COLEC12: variants seen among roughly 807,000 people sequenced by gnomAD.
COLEC12 encodes collectin-12.
In COLEC12, 33 loss-of-function variants were observed where a neutral mutation model predicts 71.1. The ratio of observed to expected loss-of-function variants is 0.46; its 90% CI spans 0.35 to 0.62. The LOEUF is 0.62. Among genes scored for constraint, COLEC12 ranks in the 20% least tolerant of loss-of-function variants. COLEC12 has a pLI of 0.00. For synonymous variants in COLEC12, 350 were observed against 353.0 expected (o/e 0.99, Z 0.10); for missense variants, 765 against 916.1 (o/e 0.84, Z 2.13).
intron 3 of COLEC12, among the ~76,000 whole-genome samples, chr18:356,792 C>A (rs1391506828): frequency 1.3e-5 from 2 of 152,148 alleles, no homozygotes; most frequent in African/African-American, 4.8e-5. Flanking sequence ...AGGATTCAGG[C>A]AAAAATCCTG....
At chr18:479,437 G>A (rs1047080934) in intron 2 of COLEC12, among the ~76,000 whole-genome samples, 1 of 152,188 alleles carries the variant, frequency 6.6e-6, no homozygotes. Flanking sequence ...AGCAACGCGG[G>A]AGGCAGAGCA....
intron 9 of COLEC12, among the ~76,000 whole-genome samples, chr18:320,277 T>A (rs1198268385): frequency 2.0e-5 from 3 of 152,228 alleles, no homozygotes; most frequent in Non-Finnish European, 4.4e-5. Flanking sequence ...GAAAAGCCTA[T>A]TCTGGGAAAG....
intron 2 of COLEC12, among the ~76,000 whole-genome samples, chr18:369,385 C>CTT (rs55923005): frequency 0.18 from 24,165 of 135,924 alleles, 2,350 homozygotes; most frequent in South Asian, 0.25. Context: ...TGATACAGAT[C>CTT]TTTTTTTTTT....
intron 9 of COLEC12, among the ~76,000 whole-genome samples, chr18:320,726 C>A (rs1331373789): frequency 6.6e-6 from 1 of 152,110 alleles, no homozygotes; most frequent in East Asian, 1.9e-4. Context: ...CAAAAAGAAA[C>A]CCCATACCCA....
intron 2 of COLEC12, among the ~76,000 whole-genome samples, chr18:407,875 T>G (rs1915820515): frequency 6.6e-6 from 1 of 152,336 alleles, no homozygotes; most frequent in East Asian, 1.9e-4. Flanking sequence ...AATAGCTGCC[T>G]GGAGCCCGCC....
At chr18:494,897 A>G (rs1396569573) in intron 1 of COLEC12, among the ~76,000 whole-genome samples, 1 of 152,210 alleles carries the variant, frequency 6.6e-6, no homozygotes, top group Non-Finnish European at 1.5e-5. Context: ...AGGAAGCATA[A>G]AGGAGTCATG....
chr18:329,043 G>C (rs1338973547), intron 8 of COLEC12, among the ~76,000 whole-genome samples: 1 of 152,200 alleles, frequency 6.6e-6, no homozygotes, highest in Non-Finnish European at 1.5e-5. Flanking sequence ...TGCAGAAGCT[G>C]AGGATTTGGG....
chr18:336,415 G>T (rs148374208), intron 5 of COLEC12, among the ~76,000 whole-genome samples: 2 of 152,152 alleles, frequency 1.3e-5, no homozygotes, highest in Non-Finnish European at 2.9e-5. Context: ...GAAGAAAAGC[G>T]AATACTGCTC....
chr18:367,667 T>C (rs1172196335), intron 2 of COLEC12, among the ~76,000 whole-genome samples: 11 of 152,160 alleles, frequency 7.2e-5, no homozygotes, highest in African/African-American at 2.4e-4. Flanking sequence ...TGAGGAAAAG[T>C]TGGCAAAACA....
At position 318,480 on chromosome 18, in the gene COLEC12, G is replaced by A. The variant is rs1392684214; in HGVS notation, c.*1565C>T. 1.4e-5 allele frequency: 2 copies of A among 143,876 alleles called. No homozygotes were observed. The highest frequency in any genetic ancestry group is 3.0e-5 in the Non-Finnish European group (2 of 66,994). The allele number at this position is 143,876 out of a possible 1,614,324, so 8.9% of individuals were successfully genotyped here. A position where few individuals can be genotyped will look rare whatever the true frequency, so the allele number is the denominator to read the frequency against. On this transcript the variant is annotated 3_prime_UTR_variant, in exon 10 of 10. Coordinates refer to ENST00000400256, the MANE Select transcript of COLEC12 (RefSeq NM_130386.3). The stretch of plus-strand genomic sequence containing the variant: ...AAGGAGCGAAAGGAAGATGGGCTCA[G>A]AGGAAAGGTTTTTTTTTTTTTTTTT...
chr18:410,645 G>A (rs8089504), intron 2 of COLEC12, among the ~76,000 whole-genome samples: 34,608 of 151,778 alleles, frequency 0.23, 4,163 homozygotes, highest in Middle Eastern at 0.27. Context: ...GGCTGGTCTC[G>A]AACTCCTGAC....
chr18:497,436 C>T (rs1917735092), intron 1 of COLEC12, among the ~76,000 whole-genome samples: 1 of 142,666 alleles, frequency 7.0e-6, no homozygotes, highest in Admixed American at 7.1e-5. Context: ...GAGAGTCTTG[C>T]TTCTGTCACC....
intron 2 of COLEC12, among the ~76,000 whole-genome samples, chr18:443,779 G>C (rs890744740): frequency 6.6e-6 from 1 of 152,204 alleles, no homozygotes; most frequent in African/African-American, 2.4e-5. Flanking sequence ...TGGTGGAGGT[G>C]GGGCCTGGTA....
intron 2 of COLEC12, among the ~76,000 whole-genome samples, chr18:449,272 A>G (rs1916711819): frequency 6.6e-6 from 1 of 152,174 alleles, no homozygotes; most frequent in Non-Finnish European, 1.5e-5. Context: ...AACCAGGAAA[A>G]AAAGAAGTAT....
intron 2 of COLEC12, among the ~76,000 whole-genome samples, chr18:388,756 T>G (rs565013271): frequency 1.9e-4 from 29 of 152,336 alleles, no homozygotes; most frequent in African/African-American, 6.5e-4. Flanking sequence ...GTCCCAGAGC[T>G]GGCATGTCAC....
chr18:326,102 A>G (rs1001397718), intron 8 of COLEC12, among the ~76,000 whole-genome samples: 7 of 152,224 alleles, frequency 4.6e-5, no homozygotes, highest in African/African-American at 1.7e-4. Context: ...AAGGTTTCTA[A>G]TATATGTAAT....
Position 371,660 on chromosome 18 carries a change from G to A in COLEC12, c.59-14138C>T, listed in dbSNP as rs575404830. On this transcript the variant is annotated intron_variant, in intron 2 of 9. Coordinates refer to ENST00000400256, the MANE Select transcript of COLEC12 (RefSeq NM_130386.3). ...AGACAGAACAGGAGAAAGGGGAGCT[G>A]CGGCAACAGGGAAATGAAAATAAGC... Among the ~76,000 whole-genome samples, 60 of 152,240 alleles carry A rather than the reference G, an allele frequency of 3.9e-4. 1 individual carries two copies. In the East Asian group the frequency reaches 0.011, roughly 29 times the overall value.
chr18:420,999 C>G (rs1218747368), intron 2 of COLEC12, among the ~76,000 whole-genome samples: 1 of 152,178 alleles, frequency 6.6e-6, no homozygotes, highest in Non-Finnish European at 1.5e-5. Context: ...GGAAATTATT[C>G]AAACTAGCCG....
At chr18:432,311 T>A (rs1221266984) in intron 2 of COLEC12, among the ~76,000 whole-genome samples, 2 of 152,124 alleles carry the variant, frequency 1.3e-5, no homozygotes, top group Admixed American at 1.3e-4. Flanking sequence ...CATCAGCAAA[T>A]AGCAGGAATT....
Sources: allele counts gnomAD v4.1 joint callset (sites outside exome capture counted in the v4.1 genomes callset), GRCh38; gene constraint gnomAD v4.1.1; transcripts MANE v1.5; gene names NCBI Gene and HGNC (gene_info 2026-07-23, HGNC 2026-07-21).